Variants in KBTBD11 observed in about 807,000 individuals in gnomAD.
KBTBD11 encodes kelch repeat and BTB domain-containing protein 11.
For synonymous variants in KBTBD11, 747 were observed against 499.0 expected, an observed-to-expected ratio of 1.50 and a Z score of -6.63; for missense variants, 1,390 against 1,001.8, an observed-to-expected ratio of 1.39 and a Z score of -5.23.
At chr8:1,996,117 C>T (rs1389028969) in intron 1 of KBTBD11, among the ~76,000 whole-genome samples, 3 of 152,202 alleles carry the variant, frequency 2.0e-5, no homozygotes, top group African/African-American at 7.2e-5. Context: ...CTTAATTAAC[C>T]TTGCGATTCA....
intron 1 of KBTBD11, among the ~76,000 whole-genome samples, chr8:1,984,357 C>G (rs1003313559): frequency 7.3e-6 from 1 of 137,714 alleles, no homozygotes; most frequent in Non-Finnish European, 1.5e-5. Context: ...GGCGTGATCT[C>G]GGCTCACTGC....
chr8:1,977,043 G>C (rs1816370843), intron 1 of KBTBD11, among the ~76,000 whole-genome samples: 2 of 151,828 alleles, frequency 1.3e-5, no homozygotes, highest in African/African-American at 2.4e-5. Flanking sequence ...TTTGAATGAG[G>C]CCCAACACAG....
intron 1 of KBTBD11, chr8:1,974,729 G>A: frequency 1.0e-6 from 1 of 984,978 alleles, no homozygotes; most frequent in South Asian, 4.7e-5. Flanking sequence ...CTCTCAGGCG[G>A]GGCTCATTCT....
chr8:1,993,390 C>T (rs62478223), intron 1 of KBTBD11, among the ~76,000 whole-genome samples: 53,733 of 142,030 alleles, frequency 0.38, 11,529 homozygotes, highest in East Asian at 0.75. Flanking sequence ...TCCGTCCGTC[C>T]GTCCATCCAT....
At position 1,973,829 on chromosome 8, in the gene KBTBD11, G is replaced by A. The variant is rs1010456514; in HGVS notation, c.-1015G>A. The stretch of plus-strand genomic sequence containing the variant: ...CCGCTCGCAGGTGCTCGGAGAGGCC[G>A]GGCCGCGGCTCCCACAGGTGCCGGG... On this transcript the variant is annotated 5_prime_UTR_variant, in exon 1 of 2. Coordinates refer to ENST00000320248, the MANE Select transcript of KBTBD11 (RefSeq NM_014867.3). 4 of 983,032 alleles carry A rather than the reference G, an allele frequency of 4.1e-6. No individual in the cohort carries two copies. Among genetic ancestry groups the A allele is most frequent in the Non-Finnish European group, 3.6e-6 (3 of 829,096 alleles). The allele number at this position is 983,032 out of a possible 1,614,324, so 60.9% of individuals were successfully genotyped here. A position where few individuals can be genotyped will look rare whatever the true frequency, so the allele number is the denominator to read the frequency against.
chr8:1,990,543 G>C (rs79953721), intron 1 of KBTBD11, among the ~76,000 whole-genome samples: 3 of 28,084 alleles, frequency 1.1e-4, no homozygotes, highest in Non-Finnish European at 5.9e-5. Context: ...TAGATGCTGC[G>C]GGGCCTTGGC....
intron 1 of KBTBD11, among the ~76,000 whole-genome samples, chr8:1,983,711 A>C (rs1275752702): frequency 6.6e-6 from 1 of 152,250 alleles, no homozygotes; most frequent in Admixed American, 6.5e-5. Flanking sequence ...AAATAAGACC[A>C]TGAATGTTGA....
Position 1,973,677 on chromosome 8 carries a change from G to A in KBTBD11, c.-1167G>A, listed in dbSNP as rs1324043863. ...TGTGCACGCGCCCGCCCCCCTCCCC[G>A]CGCCCCGCGCGCGCCCCTCGCAGCC... On this transcript the variant is annotated 5_prime_UTR_variant, in exon 1 of 2. Transcript: ENST00000320248. 3 of 981,138 alleles carry A rather than the reference G, an allele frequency of 3.1e-6. No individual in the cohort carries two copies. Among genetic ancestry groups the A allele is most frequent in the East Asian group, 2.3e-4 (2 of 8,708 alleles). The allele number at this position is 981,138 out of a possible 1,614,324, so 60.8% of individuals were successfully genotyped here.
At chr8:1,983,881 G>T (rs12541057) in intron 1 of KBTBD11, among the ~76,000 whole-genome samples, 35,447 of 152,228 alleles carry the variant, frequency 0.23, 4,384 homozygotes, top group African/African-American at 0.32. Flanking sequence ...TGTAATCCCA[G>T]AACTTTGGGA....
At position 2,002,108 on chromosome 8, in the gene KBTBD11, G is replaced by A. The variant is rs1390942485; in HGVS notation, c.916G>A (p.Glu306Lys). The A allele has an allele frequency of 2.7e-6, 3 of 1,096,612 alleles. No homozygotes were observed. The highest frequency in any genetic ancestry group is 5.2e-5 in the Admixed American group (1 of 19,346). 67.9% of individuals were successfully genotyped at this position (1,096,612 alleles called of 1,614,324 possible). A position where few individuals can be genotyped will look rare whatever the true frequency, so the allele number is the denominator to read the frequency against. The change falls in exon 2 of 2, where the codon GAG becomes AAG. Residue 306 changes from glutamate (E) to lysine (K), a missense_variant. Physicochemically the swap from Glu to Lys is moderately conservative, Grantham distance 56 (BLOSUM62 1). Coordinates refer to ENST00000320248, the MANE Select transcript of KBTBD11 (RefSeq NM_014867.3). This position sits in a 1 kb window ranked among gnomAD's most constrained non-coding sequence, Gnocchi z 4.1. ...GGCCGCGGCGCTCGGGCCGGCGGGG[G>A]AGCGCGCGGGCAGCCGGCCTCAGAG... is the stretch of plus-strand genomic sequence containing the variant. ...LLAAALGPAG[E>K]RAGSRPQSPS... is the part of the protein sequence containing the mutation.
intron 1 of KBTBD11, among the ~76,000 whole-genome samples, chr8:1,998,959 C>G (rs1406527223): frequency 6.6e-6 from 1 of 152,194 alleles, no homozygotes; most frequent in Non-Finnish European, 1.5e-5. Flanking sequence ...GAGCACCTGT[C>G]AGTGTGGGCA....
rs1338061971 is a variant in KBTBD11, at chr8:1,973,803, C to A, written c.-1041C>A. 1 of 983,432 alleles carries A rather than the reference C, an allele frequency of 1.0e-6. No homozygotes were observed. The allele number at this position is 983,432 out of a possible 1,614,324, so 60.9% of individuals were successfully genotyped here. A position where few individuals can be genotyped will look rare whatever the true frequency, so the allele number is the denominator to read the frequency against. ...CCCGCTGCGGGTCGGAGGAGCAGCT[C>A]CCGCTCGCAGGTGCTCGGAGAGGCC... On this transcript the variant is annotated 5_prime_UTR_variant, in exon 1 of 2. Coordinates refer to ENST00000320248, the MANE Select transcript of KBTBD11 (RefSeq NM_014867.3).
At chr8:1,992,175 C>G (rs973659588) in intron 1 of KBTBD11, among the ~76,000 whole-genome samples, 2 of 152,156 alleles carry the variant, frequency 1.3e-5, no homozygotes, top group Non-Finnish European at 2.9e-5. Flanking sequence ...GGCTTTGTCA[C>G]TGCCTGAAGG....
Position 2,006,035 on chromosome 8 carries a change from G to T in KBTBD11, c.*2971G>T, listed in dbSNP as rs1044211264. 1.5e-4 allele frequency: 25 copies of T among 167,098 alleles called. No individual in the cohort carries two copies. Among genetic ancestry groups the T allele is most frequent in the African/African-American group, 6.0e-4 (25 of 41,444 alleles). 10.4% of individuals were successfully genotyped at this position (167,098 alleles called of 1,614,324 possible). A position where few individuals can be genotyped will look rare whatever the true frequency, so the allele number is the denominator to read the frequency against. ...TGTAGAGCTGGATTTGGAACTTCGG[G>T]ATTTGGTTTCTGAGTCTGTGGAGGC... On this transcript the variant is annotated 3_prime_UTR_variant, in exon 2 of 2. Transcript: ENST00000320248.
In KBTBD11 at chr8:2,001,167, CG is replaced by C. The variant is rs1185327420; in HGVS notation, c.-23del. 4 of 1,296,876 alleles carry C rather than the reference CG, an allele frequency of 3.1e-6. No homozygotes were observed. The highest frequency in any genetic ancestry group is 3.9e-6 in the Non-Finnish European group (4 of 1,023,250). 80.3% of individuals were successfully genotyped at this position (1,296,876 alleles called of 1,614,324 possible). On this transcript the variant is annotated 5_prime_UTR_variant, in exon 2 of 2. Transcript: ENST00000320248. ...TGCAGGCTGCGGAACCGGGGGCGCGCGGGCGCAGCGCAGCACAGCCCGGCCA... is the reference window on the plus strand; with the variant it reads ...TGCAGGCTGCGGAACCGGGGGCGCGCGGCGCAGCGCAGCACAGCCCGGCCA...
intron 1 of KBTBD11, among the ~76,000 whole-genome samples, chr8:1,989,127 T>A (rs1260925424): frequency 6.6e-6 from 1 of 152,200 alleles, no homozygotes; most frequent in Non-Finnish European, 1.5e-5. Context: ...GCCTTGGTGC[T>A]CTGGTGCGAC....
In KBTBD11 at chr8:2,002,659, C is replaced by G; in HGVS notation, c.1467C>G (p.Arg489=). The stretch of plus-strand genomic sequence containing the variant: ...AGGAGTGCCCGTGCAGCAGCAGCCG[C>G]GAGCGCTCGGCCGACATGGTGGCTC... ...EWQECPCSSS[R]ERSADMVALD... is the part of the protein sequence containing the mutation. The change falls in exon 2 of 2, where the codon CGC becomes CGG. Residue 489 remains arginine (R), a synonymous_variant. Transcript: ENST00000320248. This position sits in a 1 kb window ranked among gnomAD's most constrained non-coding sequence, Gnocchi z 4.1. 6.4e-7 allele frequency: 1 copy of G among 1,574,418 alleles called. No individual in the cohort carries two copies. The highest frequency in any genetic ancestry group is 2.3e-5 in the East Asian group (1 of 42,922).
At chr8:1,998,846 G>A (rs1017383770) in intron 1 of KBTBD11, among the ~76,000 whole-genome samples, 2 of 152,188 alleles carry the variant, frequency 1.3e-5, no homozygotes, top group East Asian at 1.9e-4. Flanking sequence ...GCCCTTCACC[G>A]ATGCAGCTTC....
In KBTBD11 at chr8:2,002,948, G is replaced by C. The variant is rs1373687966; in HGVS notation, c.1756G>C (p.Gly586Arg). The change falls in exon 2 of 2, where the codon GGC becomes CGC. Residue 586 changes from glycine (G) to arginine (R), a missense_variant. By Grantham distance (125) the Gly-to-Arg change is moderately radical. Coordinates refer to ENST00000320248, the MANE Select transcript of KBTBD11 (RefSeq NM_014867.3). The surrounding 1 kb of genome is among the most constrained non-coding windows in gnomAD (Gnocchi z 4.1). ...GGAAGGCGAGGCCGGCGGCGACGCAGGCCAGGGCGGCGGCTTCGAGGCGCT... is the reference window on the plus strand; with the variant it reads ...GGAAGGCGAGGCCGGCGGCGACGCACGCCAGGGCGGCGGCTTCGAGGCGCT... ...AREGEAGGDA[G>R]QGGGFEALGA... The C allele has an allele frequency of 7.6e-7, 1 of 1,320,200 alleles. No individual in the cohort carries two copies. Among genetic ancestry groups the C allele is most frequent in the Non-Finnish European group, 9.6e-7 (1 of 1,036,790 alleles). The allele number at this position is 1,320,200 out of a possible 1,614,324, so 81.8% of individuals were successfully genotyped here.
Sources: gnomAD v4.1 joint callset for allele counts (sites outside exome capture counted in the v4.1 genomes callset) on GRCh38, gnomAD v4.1.1 for gene constraint, Gnocchi (gnomAD v3.1) non-coding constraint, MANE v1.5 for transcripts, NCBI Gene and HGNC (gene_info 2026-07-23, HGNC 2026-07-21) for gene names.